KCNIP4: variants seen among roughly 807,000 people sequenced by gnomAD.
The protein encoded by KCNIP4 is potassium voltage-gated channel interacting protein 4, also known as Kv channel-interacting protein 4.
KCNIP4 carries 12 observed loss-of-function variants against 34.0 expected under a neutral mutation model. The observed-to-expected ratio is 0.35, with a 90% confidence interval of 0.23 to 0.57. KCNIP4 has a LOEUF of 0.57. Among genes scored for constraint, KCNIP4 ranks in the 20% least tolerant of loss-of-function variants. The probability of loss-of-function intolerance (pLI) is 0.83; values close to 1 mark genes in which losing one functional copy is unlikely to be tolerated. For synonymous variants in KCNIP4, 124 were observed against 102.2 expected, an observed-to-expected ratio of 1.21 and a Z score of -1.29; for missense variants, 238 against 311.7, an observed-to-expected ratio of 0.76 and a Z score of 1.78.
Position 20,882,605 on chromosome 4 carries a change from T to C in KCNIP4, c.163+3A>G, listed in dbSNP as rs748012364. On this transcript the variant is annotated splice_donor_region_variant and intron_variant, in intron 2 of 8. Transcript: ENST00000382152. ...AAAAAAAAAAACAAAAAAACAAACTTGCTTTGAATAGCAGGAGACGACGTT... is the reference window on the plus strand; with the variant it reads ...AAAAAAAAAAACAAAAAAACAAACTCGCTTTGAATAGCAGGAGACGACGTT... 1.9e-6 allele frequency: 3 copies of C among 1,605,086 alleles called. No homozygotes were observed. The highest frequency in any genetic ancestry group is 2.2e-5 in the East Asian group (1 of 44,776).
At chr4:21,259,497 C>G (rs922259155) in intron 1 of KCNIP4, among the ~76,000 whole-genome samples, 3 of 152,118 alleles carry the variant, frequency 2.0e-5, no homozygotes, top group Non-Finnish European at 4.4e-5. Context: ...CCATTTAATC[C>G]TACCTCCAAT....
intron 1 of KCNIP4, among the ~76,000 whole-genome samples, chr4:21,648,155 G>A (rs1050252019): frequency 2.0e-5 from 3 of 151,920 alleles, no homozygotes; most frequent in Non-Finnish European, 2.9e-5. Context: ...TTACAGGTGT[G>A]AGCCACCGCG....
intron 1 of KCNIP4, among the ~76,000 whole-genome samples, chr4:20,904,956 A>C (rs550208963): frequency 2.0e-5 from 3 of 152,180 alleles, no homozygotes; most frequent in Non-Finnish European, 4.4e-5. Flanking sequence ...AGACTAGAGT[A>C]GTTTTGGAAA....
intron 1 of KCNIP4, among the ~76,000 whole-genome samples, chr4:21,346,676 G>A (rs1019873629): frequency 6.6e-6 from 1 of 152,014 alleles, no homozygotes; most frequent in African/African-American, 2.4e-5. Flanking sequence ...ACTTTATTGT[G>A]TATACAAATC....
intron 1 of KCNIP4, among the ~76,000 whole-genome samples, chr4:21,105,253 G>A (rs1278094206): frequency 6.6e-6 from 1 of 151,512 alleles, no homozygotes; most frequent in East Asian, 1.9e-4. Context: ...CCATTTCTTT[G>A]TATCCTTTTT....
intron 3 of KCNIP4, among the ~76,000 whole-genome samples, chr4:20,818,215 A>C (rs999760176): frequency 2.0e-5 from 3 of 152,216 alleles, no homozygotes; most frequent in Non-Finnish European, 2.9e-5. Flanking sequence ...AATACCAAAT[A>C]GCTAAGTAAA....
chr4:20,986,267 T>C (rs1159935250), intron 1 of KCNIP4, among the ~76,000 whole-genome samples: 3 of 152,162 alleles, frequency 2.0e-5, no homozygotes, highest in Admixed American at 6.5e-5. Flanking sequence ...TAGAAATAAG[T>C]TGGTCCTGCC....
At chr4:20,918,310 T>A (rs1019592557) in intron 1 of KCNIP4, among the ~76,000 whole-genome samples, 1 of 152,136 alleles carries the variant, frequency 6.6e-6, no homozygotes, top group African/African-American at 2.4e-5. Flanking sequence ...TCTAGGTCCA[T>A]ATTCCTCTTT....
At chr4:21,754,273 C>T (rs1362907338) in intron 1 of KCNIP4, among the ~76,000 whole-genome samples, 1 of 152,172 alleles carries the variant, frequency 6.6e-6, no homozygotes, top group Admixed American at 6.5e-5. Context: ...ACTCCACACC[C>T]ACCTCTCTCT....
At chr4:21,037,604 C>T (rs944070182) in intron 1 of KCNIP4, among the ~76,000 whole-genome samples, 2 of 152,154 alleles carry the variant, frequency 1.3e-5, no homozygotes, top group African/African-American at 4.8e-5. Context: ...TGTAATGATG[C>T]ATTTCTTATA....
chr4:21,263,968 C>CGTGT (rs375296925), intron 1 of KCNIP4, among the ~76,000 whole-genome samples: 94 of 148,302 alleles, frequency 6.3e-4, no homozygotes, highest in Admixed American at 2.1e-3. Flanking sequence ...TATATATATA[C>CGTGT]GTGTGTGTGT....
chr4:21,260,921 T>C (rs1166416149), intron 1 of KCNIP4, among the ~76,000 whole-genome samples: 2 of 152,216 alleles, frequency 1.3e-5, no homozygotes, highest in Admixed American at 1.3e-4. Flanking sequence ...TTCTACTTCT[T>C]GGCCCAAGTG....
chr4:20,826,271 G>T (rs971180818), intron 3 of KCNIP4, among the ~76,000 whole-genome samples: 14 of 152,124 alleles, frequency 9.2e-5, no homozygotes, highest in Admixed American at 2.0e-4. Flanking sequence ...TAGAAAGTGA[G>T]CAGTTTAAGA....
intron 1 of KCNIP4, among the ~76,000 whole-genome samples, chr4:21,946,764 C>T (rs1003857707): frequency 2.6e-5 from 4 of 152,206 alleles, no homozygotes; most frequent in African/African-American, 7.2e-5. Context: ...AAACTCATCA[C>T]TTTGGTCTCA....
intron 1 of KCNIP4, among the ~76,000 whole-genome samples, chr4:21,886,931 C>G (rs868101445): frequency 6.6e-6 from 1 of 151,998 alleles, no homozygotes; most frequent in Non-Finnish European, 1.5e-5. Flanking sequence ...CATTTGAAGA[C>G]CACTGAAAAA....
At position 21,219,309 on chromosome 4, in the gene KCNIP4, T is replaced by C. The variant is rs1016115054; in HGVS notation, c.62-336600A>G. Among the ~76,000 whole-genome samples, 6 of 152,296 alleles carry C rather than the reference T, an allele frequency of 3.9e-5. No homozygotes were observed. In the East Asian group the frequency reaches 1.2e-3, roughly 29 times the overall value. ...CAAGGTGCTCGTCAAAAAGCCTAAA[T>C]GACAGAGATTGGAGACCCCACTGAT... On this transcript the variant is annotated intron_variant, in intron 1 of 8. Transcript: ENST00000382152.
chr4:21,738,136 T>TAATA (rs1553926388), intron 1 of KCNIP4, among the ~76,000 whole-genome samples: 12 of 96,728 alleles, frequency 1.2e-4, no homozygotes, highest in Non-Finnish European at 2.1e-4. Context: ...AATAAATAAA[T>TAATA]AATAAATAAA....
At chr4:20,869,428 T>C (rs967792864) in intron 2 of KCNIP4, among the ~76,000 whole-genome samples, 13 of 151,856 alleles carry the variant, frequency 8.6e-5, no homozygotes, top group Admixed American at 1.3e-4. Flanking sequence ...GTCTGGCACA[T>C]AGTAAACATT....
chr4:20,729,648 A>AAATT lies in KCNIP4; in HGVS notation c.*430_*433dup, dbSNP rs1347319067. The AAATT allele has an allele frequency of 1.3e-5, 2 of 152,196 alleles. No individual in the cohort carries two copies. Among genetic ancestry groups the AAATT allele is most frequent in the Non-Finnish European group, 2.9e-5 (2 of 68,612 alleles). The allele number at this position is 152,196 out of a possible 1,614,324, so 9.4% of individuals were successfully genotyped here. A position where few individuals can be genotyped will look rare whatever the true frequency, so the allele number is the denominator to read the frequency against. On this transcript the variant is annotated 3_prime_UTR_variant, in exon 9 of 9. Transcript: ENST00000382152. ...ATGGAATTACAGCATTCAAACATGA[A>AAATT]AATTAATTTAATTTCTGGAAATTAA...
Sources: gnomAD v4.1 joint callset for allele counts (sites outside exome capture counted in the v4.1 genomes callset) on GRCh38, gnomAD v4.1.1 for gene constraint, MANE v1.5 for transcripts, NCBI Gene and HGNC (gene_info 2026-07-23, HGNC 2026-07-21) for gene names.